TMEM51: variants seen among roughly 807,000 people sequenced by gnomAD.
TMEM51 encodes chromosome 1 open reading frame 72.
TMEM51 carries 8 observed loss-of-function variants against 13.6 expected under a neutral mutation model. That is an observed-to-expected ratio of 0.59 (90% CI 0.35 to 1.07). The LOEUF is 1.07. Ranked by LOEUF, TMEM51 falls within the 50% of genes least tolerant of loss-of-function variation. The pLI is 0.02. For synonymous variants in TMEM51, 147 were observed against 144.4 expected (o/e 1.02, Z -0.13); for missense variants, 279 against 330.7 (o/e 0.84, Z 1.21).
intron 1 of TMEM51, among the ~76,000 whole-genome samples, chr1:15,183,524 C>A (rs1448078385): frequency 6.6e-6 from 1 of 152,168 alleles, no homozygotes; most frequent in Non-Finnish European, 1.5e-5. Context: ...GAAGAATAAA[C>A]AAGATAACTA....
chr1:15,171,412 A>G, intron 1 of TMEM51: 2 of 1,080,006 alleles, frequency 1.9e-6, no homozygotes, highest in South Asian at 1.5e-5. Flanking sequence ...GACCAGGGGC[A>G]TCGCCACCTG....
rs770013038 is a variant in TMEM51 at position 15,219,869 on chromosome 1, C to A, written c.*126C>A. The A allele has an allele frequency of 2.8e-6, 3 of 1,083,964 alleles. No individual in the cohort carries two copies. Among genetic ancestry groups the A allele is most frequent in the African/African-American group, 3.2e-5 (2 of 63,396 alleles). The allele number at this position is 1,083,964 out of a possible 1,614,324, so 67.1% of individuals were successfully genotyped here. On this transcript the variant is annotated 3_prime_UTR_variant, in exon 4 of 4. Transcript: ENST00000376008. The stretch of plus-strand genomic sequence containing the variant: ...GCTGTGCATGGAGCCATTTGGATGG[C>A]GGCGGGCGGGGGGGGATTCTCTGTA...
At chr1:15,189,114 C>T (rs1643868931) in intron 1 of TMEM51, among the ~76,000 whole-genome samples, 2 of 151,970 alleles carry the variant, frequency 1.3e-5, no homozygotes, top group African/African-American at 4.8e-5. Context: ...GGTCTAGGCT[C>T]ACTGCAACCT....
chr1:15,200,158 T>C (rs191104859), intron 1 of TMEM51, among the ~76,000 whole-genome samples: 1 of 151,920 alleles, frequency 6.6e-6, no homozygotes, highest in Admixed American at 6.6e-5. Flanking sequence ...GAGTGGGCCC[T>C]AATCCAATAT....
chr1:15,181,498 T>C (rs1280019955), intron 1 of TMEM51, among the ~76,000 whole-genome samples: 5 of 152,192 alleles, frequency 3.3e-5, no homozygotes, highest in Non-Finnish European at 7.3e-5. Context: ...CTCTCATTTT[T>C]AAAAACTCAA....
chr1:15,153,210 G>A (rs1222695579), upstream of TMEM51, among the ~76,000 whole-genome samples: 1 of 103,490 alleles, frequency 9.7e-6, no homozygotes, highest in African/African-American at 3.2e-5. Flanking sequence ...GGGAGAGGGA[G>A]GCGGTGGCCT....
intron 1 of TMEM51, among the ~76,000 whole-genome samples, chr1:15,160,948 G>C (rs6681992): frequency 1.3e-5 from 2 of 151,506 alleles, no homozygotes; most frequent in African/African-American, 4.9e-5. Context: ...AGCACAGCCC[G>C]TGAAGGAGGA....
chr1:15,208,049 G>A (rs1644280305), intron 1 of TMEM51, among the ~76,000 whole-genome samples: 2 of 152,320 alleles, frequency 1.3e-5, no homozygotes, highest in Admixed American at 1.3e-4. Context: ...TTCCTGGCAT[G>A]CGGTGCTGGG....
chr1:15,160,947 C>T (rs779401969), intron 1 of TMEM51, among the ~76,000 whole-genome samples: 1 of 151,600 alleles, frequency 6.6e-6, no homozygotes, highest in Non-Finnish European at 1.5e-5. Flanking sequence ...AAGCACAGCC[C>T]GTGAAGGAGG....
intron 1 of TMEM51, chr1:15,164,250 C>A (rs1257014446): frequency 2.3e-6 from 1 of 429,612 alleles, no homozygotes; most frequent in Admixed American, 2.5e-5. Context: ...TTTTTATTCA[C>A]CAGGATCCAA....
rs1644492532 is a variant in TMEM51, at chr1:15,219,990, AG to A, written c.*250del. The A allele has an allele frequency of 9.3e-6, 5 of 536,118 alleles. No individual in the cohort carries two copies. The highest frequency in any genetic ancestry group is 1.7e-5 in the Non-Finnish European group (5 of 301,252). 33.2% of individuals were successfully genotyped at this position (536,118 alleles called of 1,614,324 possible). ...CTGGTGAATCTGTGGACCACATTCA[AG>A]GGTGTGGCACAGGCATCTTCCCATC... On this transcript the variant is annotated 3_prime_UTR_variant, in exon 4 of 4. Coordinates refer to ENST00000376008, the MANE Select transcript of TMEM51 (RefSeq NM_001136218.2).
intron 1 of TMEM51, among the ~76,000 whole-genome samples, chr1:15,183,932 T>C (rs1002142203): frequency 6.6e-6 from 1 of 152,242 alleles, no homozygotes; most frequent in Non-Finnish European, 1.5e-5. Flanking sequence ...ATTTCAAACA[T>C]GAAGGTGCAC....
chr1:15,187,011 G>A (rs549943665), intron 1 of TMEM51, among the ~76,000 whole-genome samples: 8 of 151,260 alleles, frequency 5.3e-5, no homozygotes, highest in Non-Finnish European at 1.0e-4. Flanking sequence ...CCCCACTGTC[G>A]GGGGGTATGT....
intron 1 of TMEM51, among the ~76,000 whole-genome samples, chr1:15,194,777 G>T (rs1359147756): frequency 6.6e-6 from 1 of 151,752 alleles, no homozygotes; most frequent in Non-Finnish European, 1.5e-5. Flanking sequence ...ATGATATTGC[G>T]TTCTGTCTCA....
intron 1 of TMEM51, among the ~76,000 whole-genome samples, chr1:15,203,046 CAAGGCCCTCAATGTA>C (rs1212689504): frequency 6.6e-6 from 1 of 152,190 alleles, no homozygotes; most frequent in Non-Finnish European, 1.5e-5. Context: ...GGCATTGGGT[CAAGGCCCTCAATGTA>C]TTCACTCATG....
At chr1:15,195,696 C>T (rs975266497) in intron 1 of TMEM51, among the ~76,000 whole-genome samples, 1 of 152,148 alleles carries the variant, frequency 6.6e-6, no homozygotes, top group Non-Finnish European at 1.5e-5. Context: ...CCTCACATCA[C>T]CCCCATTCTG....
At chr1:15,209,235 C>CATTATTATTATTATTATT (rs57675605) in intron 1 of TMEM51, among the ~76,000 whole-genome samples, 2 of 148,018 alleles carry the variant, frequency 1.4e-5, no homozygotes, top group African/African-American at 5.0e-5. Flanking sequence ...ACACTGGGCT[C>CATTATTATTATTATTATT]ATTATTATTA....
intron 1 of TMEM51, chr1:15,192,085 C>T (rs976640234): frequency 4.2e-5 from 21 of 502,888 alleles, no homozygotes; most frequent in African/African-American, 1.2e-4. Context: ...AGACCTGCCA[C>T]GCGACACAGG....
At chr1:15,173,088 G>T (rs1169019284) in intron 1 of TMEM51, among the ~76,000 whole-genome samples, 1 of 152,134 alleles carries the variant, frequency 6.6e-6, no homozygotes, top group Non-Finnish European at 1.5e-5. Flanking sequence ...TAAACTTCTG[G>T]CAGGTGAAAT....
Sources: allele counts gnomAD v4.1 joint callset (sites outside exome capture counted in the v4.1 genomes callset), GRCh38; gene constraint gnomAD v4.1.1; transcripts MANE v1.5; gene names NCBI Gene and HGNC (gene_info 2026-07-23, HGNC 2026-07-21).